TNIP1: variants seen among roughly 807,000 people sequenced by gnomAD.
TNIP1 encodes the protein TNFAIP3-interacting protein 1.
TNIP1 carries 22 observed loss-of-function variants against 86.6 expected under a neutral mutation model. That is an observed-to-expected ratio of 0.25 (90% CI 0.18 to 0.36). The LOEUF is 0.36. Ranked by LOEUF, TNIP1 falls within the 10% of genes least tolerant of loss-of-function variation. The pLI is 1.00. For missense variants in TNIP1, 709 were observed against 820.6 expected (o/e 0.86, Z 1.66); for synonymous variants, 294 against 313.0 (o/e 0.94, Z 0.64).
At position 151,030,701 on chromosome 5, in the gene TNIP1, C is replaced by T; in HGVS notation, c.*12G>A. ...GCAAGATGAAGGTGGAGCCAAATGA[C>T]ACAATCTGGTCTCACTGAGGCCCCT... On this transcript the variant is annotated 3_prime_UTR_variant, in exon 18 of 18. Coordinates refer to ENST00000521591, the MANE Select transcript of TNIP1 (RefSeq NM_006058.5). The T allele has an allele frequency of 4.3e-6, 7 of 1,614,148 alleles. No homozygotes were observed. The highest frequency in any genetic ancestry group is 5.1e-6 in the Non-Finnish European group (6 of 1,180,006).
intron 6 of TNIP1, among the ~76,000 whole-genome samples, chr5:151,056,133 A>T (rs1760627545): frequency 6.6e-6 from 1 of 152,190 alleles, no homozygotes; most frequent in Admixed American, 6.5e-5. Flanking sequence ...AGGATAAGTG[A>T]CTTGTCCAAG....
rs148983376 is a variant in TNIP1 at position 151,060,010 on chromosome 5, A to C, written c.435+308T>G. 4.9e-4 allele frequency among the ~76,000 whole-genome samples: 75 copies of C among 152,202 alleles called. 1 individual carries two copies. In the Middle Eastern group the frequency reaches 0.02, roughly 41 times the overall value. On this transcript the variant is annotated intron_variant, in intron 5 of 17. Coordinates refer to ENST00000521591, the MANE Select transcript of TNIP1 (RefSeq NM_006058.5). ...CTTTCTCCCCCGGGGTTGGAAGCCC[A>C]CAGACCCAAAGGGCTGAGTCATAGT...
At chr5:151,079,612 A>C (rs528044683) in intron 1 of TNIP1, among the ~76,000 whole-genome samples, 1 of 102,992 alleles carries the variant, frequency 9.7e-6, no homozygotes, top group Non-Finnish European at 2.0e-5. Context: ...ACAGAGTGAG[A>C]CTCTGTCTCA....
At chr5:151,070,440 C>T (rs76204372) in intron 1 of TNIP1, among the ~76,000 whole-genome samples, 7,426 of 152,196 alleles carry the variant, frequency 0.049, 276 homozygotes, top group African/African-American at 0.11. Flanking sequence ...TAGGCTCTTC[C>T]GTCAGCTCAG....
At chr5:151,046,249 A>C in intron 8 of TNIP1, 1 of 386,566 alleles carries the variant, frequency 2.6e-6, no homozygotes, top group Non-Finnish European at 4.8e-6. Flanking sequence ...ACTACCAGCC[A>C]CTCTCCTCAC....
chr5:151,066,128 G>A (rs1325124929), intron 1 of TNIP1, among the ~76,000 whole-genome samples: 1 of 152,202 alleles, frequency 6.6e-6, no homozygotes, highest in African/African-American at 2.4e-5. Flanking sequence ...GTCTAGGGGT[G>A]AAAGCAGAGG....
intron 9 of TNIP1, among the ~76,000 whole-genome samples, chr5:151,043,994 T>C (rs916838314): frequency 1.9e-4 from 29 of 152,064 alleles, no homozygotes; most frequent in Admixed American, 1.4e-3. Flanking sequence ...ACATTGCATA[T>C]GATAAAAAAA....
At chr5:151,060,443 C>T in intron 4 of TNIP1, 48 bp from the exon 5 acceptor site, 1 of 1,578,256 alleles carries the variant, frequency 6.3e-7, no homozygotes, top group South Asian at 1.1e-5. Context: ...AACAGCTCAC[C>T]CCTCCTCTGC....
intron 5 of TNIP1, among the ~76,000 whole-genome samples, chr5:151,059,826 AGAGTGTGTGTGTGT>A (rs1561513109): frequency 2.8e-4 from 20 of 72,190 alleles, no homozygotes; most frequent in Admixed American, 8.0e-4. Context: ...AGAGAGAGAG[AGAGTGTGTGTGTGT>A]GTGTGTGTGT....
chr5:151,056,301 T>C (rs1490027692), intron 6 of TNIP1, among the ~76,000 whole-genome samples: 4 of 152,164 alleles, frequency 2.6e-5, no homozygotes, highest in Non-Finnish European at 5.9e-5. Context: ...GTCAAGAGTA[T>C]GGGCTTTGGA....
intron 5 of TNIP1, among the ~76,000 whole-genome samples, chr5:151,059,243 C>G (rs1041296666): frequency 7.9e-5 from 12 of 152,224 alleles, no homozygotes; most frequent in African/African-American, 2.7e-4. Context: ...ACTTTCTGAG[C>G]AGGGGATCTT....
chr5:151,060,870 GTC>G (rs1028369388), intron 4 of TNIP1, among the ~76,000 whole-genome samples: 2 of 152,222 alleles, frequency 1.3e-5, no homozygotes, highest in Non-Finnish European at 2.9e-5. Flanking sequence ...CCCCAGAGCT[GTC>G]TCTTAGGCCC....
At chr5:151,064,839 G>A in intron 2 of TNIP1, 121 bp downstream of exon 2, 1 of 1,426,984 alleles carries the variant, frequency 7.0e-7, no homozygotes, top group East Asian at 2.3e-5. Flanking sequence ...TGGGCCAGGA[G>A]GGACAGGGGA....
chr5:151,035,546 A>G (rs2113290070), intron 14 of TNIP1, 36 bp downstream of exon 14: 2 of 1,614,010 alleles, frequency 1.2e-6, no homozygotes, highest in East Asian at 4.5e-5. Flanking sequence ...CCACGAGGAC[A>G]GGCCAGTTGC....
intron 1 of TNIP1, among the ~76,000 whole-genome samples, chr5:151,067,207 C>T (rs1762340127): frequency 6.6e-6 from 1 of 152,184 alleles, no homozygotes; most frequent in South Asian, 2.1e-4. Flanking sequence ...ATGTTTCCAC[C>T]GAACTAAGAA....
At chr5:151,080,630 C>T (rs1763904557) in intron 1 of TNIP1, among the ~76,000 whole-genome samples, 1 of 152,232 alleles carries the variant, frequency 6.6e-6, no homozygotes, top group Non-Finnish European at 1.5e-5. Context: ...TACAACCGCC[C>T]CACGCCGTTC....
upstream of TNIP1, among the ~76,000 whole-genome samples, chr5:151,084,304 G>T (rs188282197): frequency 2.5e-3 from 374 of 152,238 alleles, 1 homozygote; most frequent in African/African-American, 8.5e-3. Context: ...TATTAGCCAG[G>T]TGTGGTGGTG....
chr5:151,066,397 T>C (rs1256528000), intron 1 of TNIP1, among the ~76,000 whole-genome samples: 4 of 152,130 alleles, frequency 2.6e-5, no homozygotes, highest in African/African-American at 9.7e-5. Context: ...TCAGAAGGGT[T>C]TGGGGGCTCG....
chr5:151,037,574 A>C (rs373819168), intron 12 of TNIP1: 3 of 152,254 alleles, frequency 2.0e-5, no homozygotes, highest in African/African-American at 7.2e-5. Flanking sequence ...AAAATAAAAA[A>C]ATACTCTTAA....
Sources: allele counts gnomAD v4.1 joint callset (sites outside exome capture counted in the v4.1 genomes callset), GRCh38; gene constraint gnomAD v4.1.1; transcripts MANE v1.5; gene names NCBI Gene and HGNC (gene_info 2026-07-23, HGNC 2026-07-21).